SLC12A2: variants seen among roughly 807,000 people sequenced by gnomAD.
The protein encoded by SLC12A2 is solute carrier family 12 member 2, also known as Na-K-2Cl cotransporter 1.
Under a neutral mutation model 136.3 loss-of-function variants are expected in SLC12A2, and 67 were observed. The ratio of observed to expected loss-of-function variants is 0.49; its 90% confidence interval spans 0.40 to 0.60. The LOEUF is 0.60. Among genes scored for constraint, SLC12A2 ranks in the 20% least tolerant of loss-of-function variants. SLC12A2 has a pLI of 0.00. For missense variants in SLC12A2, 1,322 were observed against 1,534.7 expected (o/e 0.86, Z 2.32); for synonymous variants, 619 against 562.9 (o/e 1.10, Z -1.41).
chr5:128,183,365 G>T (rs929012572), intron 24 of SLC12A2, among the ~76,000 whole-genome samples: 5 of 151,894 alleles, frequency 3.3e-5, no homozygotes, highest in Non-Finnish European at 7.4e-5. Context: ...GTATATACAG[G>T]TTGTTATAAT....
intron 6 of SLC12A2, among the ~76,000 whole-genome samples, chr5:128,135,351 G>A (rs550886771): frequency 6.6e-6 from 1 of 152,164 alleles, no homozygotes; most frequent in African/African-American, 2.4e-5. Flanking sequence ...GTGTTAAGGT[G>A]GAAGAGACAG....
Position 128,130,408 on chromosome 5 carries a change from A to G in SLC12A2, c.1049-659A>G, listed in dbSNP as rs544318947. ...CGCACGCCTATAGTTCCAGCTACTC[A>G]GGAGGCTGAGGCAGGAGAATCACAT... is the stretch of plus-strand genomic sequence containing the variant. On this transcript the variant is annotated intron_variant, in intron 4 of 26. Transcript: ENST00000262461. Among the ~76,000 whole-genome samples the G allele has an allele frequency of 2.6e-5, 4 of 151,096 alleles. No homozygotes were observed. The South Asian group carries it at 8.4e-4, about 32-fold the overall frequency.
rs11951332 is a variant in SLC12A2 at position 128,086,075 on chromosome 5, G to A, written c.756+1365G>A. Among the ~76,000 whole-genome samples, 1,395 of 152,054 alleles carry A rather than the reference G, an allele frequency of 9.2e-3. 20 individuals are homozygous for A. Among genetic ancestry groups the A allele is most frequent in the African/African-American group, 0.031 (1,303 of 41,470 alleles). ...GGAGCTGGCAATTTTCATTATCTTAGGACAGTTTTACTAATGAAAATATTA... is the reference window on the plus strand; with the variant it reads ...GGAGCTGGCAATTTTCATTATCTTAAGACAGTTTTACTAATGAAAATATTA... On this transcript the variant is annotated intron_variant, in intron 1 of 26. Transcript: ENST00000262461.
In SLC12A2 at chr5:128,111,121, C is replaced by T. The variant is rs376765272; in HGVS notation, c.757-1693C>T. ...GTGATTGTTTGCAGTATGAAGATAACGTTTCTACTTATGCAGTATTCTCAT... is the reference window on the plus strand; with the variant it reads ...GTGATTGTTTGCAGTATGAAGATAATGTTTCTACTTATGCAGTATTCTCAT... On this transcript the variant is annotated intron_variant, in intron 1 of 26. Transcript: ENST00000262461. 2.7e-4 allele frequency: 116 copies of T among 433,078 alleles called. No homozygotes were observed. The East Asian group carries it at 4.4e-3, about 16-fold the overall frequency. The allele number at this position is 433,078 out of a possible 1,614,324, so 26.8% of individuals were successfully genotyped here.
At chr5:128,123,174 C>A (rs189037353) in intron 4 of SLC12A2, among the ~76,000 whole-genome samples, 2 of 152,092 alleles carry the variant, frequency 1.3e-5, no homozygotes, top group African/African-American at 4.8e-5. Context: ...CCTCTTGTAT[C>A]TTAAAATTTA....
At chr5:128,126,966 A>ATATATATATTTTTTTTTT in intron 4 of SLC12A2, among the ~76,000 whole-genome samples, 1 of 21,158 alleles carries the variant, frequency 4.7e-5, no homozygotes, top group Non-Finnish European at 7.7e-5. Context: ...ATATATATAT[A>ATATATATATTTTTTTTTT]TTTTTTTTTT....
Position 128,138,916 on chromosome 5 carries a change from G to GT in SLC12A2, c.1621+11dup. On this transcript the variant is annotated intron_variant, in intron 9 of 26. Transcript: ENST00000262461. ...GAATTGCAGTATCTGTAGGTAAATA[G>GT]TTTCACATTTCTTTATGTGTCGCAG... The GT allele has an allele frequency of 6.3e-7, 1 of 1,578,332 alleles. No homozygotes were observed. The highest frequency in any genetic ancestry group is 8.7e-7 in the Non-Finnish European group (1 of 1,149,640).
chr5:128,168,539 CGCATTACATTTATT>C (rs1419773496), intron 18 of SLC12A2: 2 of 152,038 alleles, frequency 1.3e-5, no homozygotes, highest in Admixed American at 6.6e-5. Flanking sequence ...ATGATTCAAG[CGCATTACATTTATT>C]GTGGACTTTA....
intron 18 of SLC12A2, chr5:128,170,712 A>T (rs990182842): frequency 1.3e-5 from 2 of 152,190 alleles, no homozygotes; most frequent in African/African-American, 4.8e-5. Flanking sequence ...TAAAATGAAG[A>T]TTTATGCTCA....
intron 5 of SLC12A2, among the ~76,000 whole-genome samples, chr5:128,133,185 A>C (rs1469956155): frequency 6.6e-6 from 1 of 152,128 alleles, no homozygotes; most frequent in Non-Finnish European, 1.5e-5. Context: ...ATTTTTTTGC[A>C]AAGTAAAAAG....
intron 18 of SLC12A2, chr5:128,168,359 A>G (rs1177011377): frequency 6.6e-6 from 1 of 152,078 alleles, no homozygotes; most frequent in East Asian, 1.9e-4. Context: ...AAATGTACTT[A>G]TATGTTTTGT....
At chr5:128,159,458 T>A (rs1425759835) in intron 16 of SLC12A2, among the ~76,000 whole-genome samples, 2 of 151,962 alleles carry the variant, frequency 1.3e-5, no homozygotes, top group East Asian at 3.9e-4. Context: ...ATCATCAGAG[T>A]GAACAGGCAA....
At chr5:128,105,440 T>C (rs1489671868) in intron 1 of SLC12A2, among the ~76,000 whole-genome samples, 1 of 152,204 alleles carries the variant, frequency 6.6e-6, no homozygotes, top group Non-Finnish European at 1.5e-5. Flanking sequence ...CAGTGTCAGA[T>C]GGTACTGTAG....
At chr5:128,095,870 A>G (rs1415740648) in intron 1 of SLC12A2, among the ~76,000 whole-genome samples, 1 of 152,100 alleles carries the variant, frequency 6.6e-6, no homozygotes, top group East Asian at 1.9e-4. Context: ...GACCTAGACC[A>G]TGTTGAGTCT....
intron 17 of SLC12A2, among the ~76,000 whole-genome samples, chr5:128,166,164 T>C (rs1300253719): frequency 2.0e-5 from 3 of 152,056 alleles, no homozygotes; most frequent in Non-Finnish European, 2.9e-5. Context: ...TTGATAAATA[T>C]TTGAATTAAT....
At chr5:128,130,411 A>G (rs963934065) in intron 4 of SLC12A2, among the ~76,000 whole-genome samples, 2 of 150,280 alleles carry the variant, frequency 1.3e-5, no homozygotes, top group African/African-American at 4.9e-5. Flanking sequence ...GCTACTCAGG[A>G]GGCTGAGGCA....
chr5:128,110,887 C>G, intron 1 of SLC12A2: 2 of 1,204,154 alleles, frequency 1.7e-6, no homozygotes, highest in Non-Finnish European at 2.5e-6. Context: ...TGCCAATTTA[C>G]AAGTGAGTGG....
At chr5:128,126,172 C>G (rs1761786945) in intron 4 of SLC12A2, among the ~76,000 whole-genome samples, 2 of 152,030 alleles carry the variant, frequency 1.3e-5, no homozygotes, top group South Asian at 4.1e-4. Context: ...CCAATTTCTG[C>G]CCAAAAAATT....
chr5:128,115,260 G>T (rs540243684), intron 4 of SLC12A2, among the ~76,000 whole-genome samples: 1 of 152,240 alleles, frequency 6.6e-6, no homozygotes, highest in Non-Finnish European at 1.5e-5. Context: ...GAGTAGCTAG[G>T]ATTACAGACG....
Sources: allele counts gnomAD v4.1 joint callset (sites outside exome capture counted in the v4.1 genomes callset), GRCh38; gene constraint gnomAD v4.1.1; transcripts MANE v1.5; gene names NCBI Gene and HGNC (gene_info 2026-07-23, HGNC 2026-07-21).